Variants in EYS observed in about 807,000 individuals in gnomAD.
EYS encodes the protein protein eyes shut homolog.
In EYS, 250 loss-of-function variants were observed where a neutral mutation model predicts 282.1. That is an observed-to-expected ratio of 0.89 (90% CI 0.80 to 0.98). EYS has a LOEUF of 0.98. Ranked by LOEUF, EYS falls within the 50% of genes least tolerant of loss-of-function variation. The probability of loss-of-function intolerance (pLI) is 0.00; values close to 1 mark genes in which losing one functional copy is unlikely to be tolerated. For missense variants in EYS, 4,016 were observed against 3,709.0 expected, an observed-to-expected ratio of 1.08 and a Z score of -2.15; for synonymous variants, 1,355 against 1,282.9, an observed-to-expected ratio of 1.06 and a Z score of -1.20.
At chr6:64,764,500 A>G (rs968996869) in intron 22 of EYS, among the ~76,000 whole-genome samples, 1 of 152,178 alleles carries the variant, frequency 6.6e-6, no homozygotes, top group African/African-American at 2.4e-5. Flanking sequence ...CCAGCCCACA[A>G]AACCAATTTT....
At chr6:64,441,345 G>T (rs1007000633) in intron 26 of EYS, among the ~76,000 whole-genome samples, 2 of 152,314 alleles carry the variant, frequency 1.3e-5, no homozygotes, top group African/African-American at 2.4e-5. Flanking sequence ...CTCAGGGGAT[G>T]TCAAAACTGT....
intron 12 of EYS, among the ~76,000 whole-genome samples, chr6:65,103,789 G>A (rs1774959467): frequency 6.6e-6 from 1 of 151,312 alleles, no homozygotes; most frequent in Non-Finnish European, 1.5e-5. Flanking sequence ...AACCTAGCTT[G>A]TTCCTACTAT....
At chr6:64,550,970 T>C (rs1007480117) in intron 26 of EYS, among the ~76,000 whole-genome samples, 6 of 152,084 alleles carry the variant, frequency 3.9e-5, no homozygotes, top group Non-Finnish European at 8.8e-5. Context: ...CTAATAGTAA[T>C]TACTTGAACT....
chr6:65,331,414 T>A (rs1769793015), intron 11 of EYS: 1 of 789,346 alleles, frequency 1.3e-6, no homozygotes, highest in Non-Finnish European at 1.5e-6. Context: ...CTTTTGACAT[T>A]ATAACAGGTG....
chr6:64,432,053 T>C (rs147573627), intron 28 of EYS, among the ~76,000 whole-genome samples: 2 of 152,310 alleles, frequency 1.3e-5, no homozygotes, highest in Non-Finnish European at 2.9e-5. Context: ...TGCATGTGGA[T>C]GACTGTACAT....
chr6:63,839,678 C>G (rs549055942), intron 36 of EYS, among the ~76,000 whole-genome samples: 1 of 152,060 alleles, frequency 6.6e-6, no homozygotes, highest in East Asian at 1.9e-4. Context: ...CTCCAGTAAA[C>G]ACGAGAAGTG....
intron 22 of EYS, among the ~76,000 whole-genome samples, chr6:64,755,551 A>G (rs1353235144): frequency 1.3e-5 from 2 of 149,348 alleles, no homozygotes; most frequent in African/African-American, 5.0e-5. Context: ...CACACGGAAT[A>G]CTATCCAGCC....
chr6:65,106,548 T>G (rs1437915988), intron 12 of EYS, among the ~76,000 whole-genome samples: 2 of 152,090 alleles, frequency 1.3e-5, no homozygotes, highest in African/African-American at 4.8e-5. Context: ...TACGTGAGCA[T>G]TAAAGCTAAT....
At chr6:64,015,962 G>C (rs1192662534) in intron 33 of EYS, among the ~76,000 whole-genome samples, 1 of 152,194 alleles carries the variant, frequency 6.6e-6, no homozygotes, top group Non-Finnish European at 1.5e-5. Flanking sequence ...AATTCTGAGT[G>C]CTGAGCTTTG....
intron 26 of EYS, among the ~76,000 whole-genome samples, chr6:64,539,467 C>T (rs960009945): frequency 2.6e-5 from 4 of 151,992 alleles, no homozygotes; most frequent in African/African-American, 7.3e-5. Context: ...CCTAGTTACT[C>T]GGGAGGCTGA....
chr6:63,807,196 G>C (rs2149679355), intron 36 of EYS, among the ~76,000 whole-genome samples: 1 of 152,190 alleles, frequency 6.6e-6, no homozygotes, highest in Admixed American at 6.5e-5. Context: ...AATAGAAAGG[G>C]GATTTTGACA....
At chr6:64,184,581 A>G (rs914660601) in intron 31 of EYS, among the ~76,000 whole-genome samples, 1 of 151,622 alleles carries the variant, frequency 6.6e-6, no homozygotes, top group Non-Finnish European at 1.5e-5. Context: ...CATTTGAACT[A>G]CTGGCATCTT....
chr6:65,629,301 G>C (rs1035229738), intron 2 of EYS, among the ~76,000 whole-genome samples: 2 of 152,132 alleles, frequency 1.3e-5, no homozygotes, highest in Non-Finnish European at 2.9e-5. Flanking sequence ...CTTTAAGGGG[G>C]TTATTCTGAA....
At chr6:64,829,264 A>G (rs1469452663) in intron 19 of EYS, among the ~76,000 whole-genome samples, 1 of 152,040 alleles carries the variant, frequency 6.6e-6, no homozygotes, top group Non-Finnish European at 1.5e-5. Flanking sequence ...CTCTGGCATC[A>G]GCCACCACAA....
chr6:64,296,094 A>C (rs1768972864), intron 30 of EYS, among the ~76,000 whole-genome samples: 1 of 152,196 alleles, frequency 6.6e-6, no homozygotes, highest in South Asian at 2.1e-4. Context: ...TGGGTTTTAC[A>C]TTCCACTTTT....
chr6:64,760,932 G>A (rs1773137180), intron 22 of EYS, among the ~76,000 whole-genome samples: 1 of 152,174 alleles, frequency 6.6e-6, no homozygotes, highest in Non-Finnish European at 1.5e-5. Context: ...ACTCTTTGAT[G>A]TAACTTTCTG....
intron 22 of EYS, among the ~76,000 whole-genome samples, chr6:64,702,062 AC>A (rs1770812485): frequency 6.6e-6 from 1 of 152,018 alleles, no homozygotes; most frequent in East Asian, 1.9e-4. Context: ...GTTTTCAATA[AC>A]AAAAAACCTC....
intron 22 of EYS, among the ~76,000 whole-genome samples, chr6:64,788,255 C>CA: frequency 6.6e-6 from 1 of 152,158 alleles, no homozygotes; most frequent in African/African-American, 2.4e-5. Context: ...GTAATACCTC[C>CA]AACTGTTAAT....
intron 31 of EYS, among the ~76,000 whole-genome samples, chr6:64,121,536 G>T (rs1773589822): frequency 6.6e-6 from 1 of 152,116 alleles, no homozygotes; most frequent in African/African-American, 2.4e-5. Context: ...TGGCCTAATG[G>T]TAAAGAAATT....
Sources: allele counts gnomAD v4.1 joint callset (sites outside exome capture counted in the v4.1 genomes callset), GRCh38; gene constraint gnomAD v4.1.1; transcripts MANE v1.5; gene names NCBI Gene and HGNC (gene_info 2026-07-23, HGNC 2026-07-21).